The following TOM1L2 variants were observed in gnomAD, a reference collection of about 807,000 sequenced individuals.
TOM1L2 encodes TOM1-like protein 2.
A neutral mutation model predicts 67.9 loss-of-function variants in TOM1L2; 31 were observed. The observed-to-expected ratio is 0.46, with a 90% CI of 0.34 to 0.62. The LOEUF is 0.62. TOM1L2 is among the 20% of genes least tolerant of loss of function. The pLI, the probability that TOM1L2 is intolerant of heterozygous loss-of-function variation, is 0.01. For missense variants in TOM1L2, 606 were observed against 663.5 expected (o/e 0.91, Z 0.95); for synonymous variants, 256 against 254.0 (o/e 1.01, Z -0.07).
intron 1 of TOM1L2, among the ~76,000 whole-genome samples, chr17:17,949,804 G>A (rs1349937550): frequency 3.9e-5 from 6 of 152,096 alleles, no homozygotes; most frequent in Admixed American, 3.9e-4. Context: ...AGTTTAGGTG[G>A]GCCAGGGCAA....
At chr17:17,929,256 C>T (rs1465515060) in intron 1 of TOM1L2, among the ~76,000 whole-genome samples, 1 of 152,136 alleles carries the variant, frequency 6.6e-6, no homozygotes, top group African/African-American at 2.4e-5. Flanking sequence ...CATGCTCCAC[C>T]CAGTCTGAAT....
chr17:17,871,044 C>A (rs569947057), intron 7 of TOM1L2, among the ~76,000 whole-genome samples: 3 of 152,336 alleles, frequency 2.0e-5, no homozygotes, highest in African/African-American at 4.8e-5. Flanking sequence ...TCCCCAAGTA[C>A]TTCTGAGAGA....
At position 17,874,689 on chromosome 17, in the gene TOM1L2, C is replaced by T. The variant is rs2037332505; in HGVS notation, c.777+4938G>A. On this transcript the variant is annotated intron_variant, in intron 7 of 14. Coordinates refer to ENST00000379504, the MANE Select transcript of TOM1L2 (RefSeq NM_001082968.2). ...GCACAGAATGCAGTGATCTCATCAACAGTCAGCACCAGGAACATCTGCTCT... is the reference window on the plus strand; with the variant it reads ...GCACAGAATGCAGTGATCTCATCAATAGTCAGCACCAGGAACATCTGCTCT... Among the ~76,000 whole-genome samples the T allele has an allele frequency of 2.0e-5, 3 of 152,232 alleles. No individual in the cohort carries two copies. The South Asian group carries it at 6.2e-4, about 31-fold the overall frequency.
chr17:17,885,288 T>C (rs117327272), intron 4 of TOM1L2, among the ~76,000 whole-genome samples: 1,974 of 152,302 alleles, frequency 0.013, 24 homozygotes, highest in Non-Finnish European at 0.018. Context: ...TAACTACAGG[T>C]TTCCTCAGAT....
intron 4 of TOM1L2, 134 bp from the exon 5 acceptor site, chr17:17,884,902 T>G: frequency 2.5e-6 from 3 of 1,187,720 alleles, no homozygotes; most frequent in Non-Finnish European, 3.5e-6. Flanking sequence ...TGGCTAAACC[T>G]ATTCTGTTCC....
At chr17:17,927,259 T>C (rs2040131659) in intron 1 of TOM1L2, among the ~76,000 whole-genome samples, 1 of 152,208 alleles carries the variant, frequency 6.6e-6, no homozygotes, top group African/African-American at 2.4e-5. Flanking sequence ...TTCAGCACAC[T>C]GTACCAAGTC....
intron 1 of TOM1L2, among the ~76,000 whole-genome samples, chr17:17,954,965 C>T (rs986667066): frequency 2.0e-5 from 3 of 152,204 alleles, no homozygotes; most frequent in African/African-American, 4.8e-5. Context: ...TCCTGACCTC[C>T]GTTTCTTTTG....
Position 17,847,378 on chromosome 17 carries a change from G to A in TOM1L2, c.*257C>T, listed in dbSNP as rs1288208787. The A allele has an allele frequency of 9.4e-6, 5 of 532,264 alleles. No homozygotes were observed. The highest frequency in any genetic ancestry group is 3.5e-5 in the East Asian group (1 of 28,944). 33.0% of individuals were successfully genotyped at this position (532,264 alleles called of 1,614,324 possible). ...CTGGGCCACTCTGCCCGCTCTTCCT[G>A]GGAGGAAACATGGGCAGAGGGGCCC... On this transcript the variant is annotated 3_prime_UTR_variant, in exon 15 of 15. Transcript: ENST00000379504.
At chr17:17,909,886 G>A (rs1156263391) in intron 1 of TOM1L2, among the ~76,000 whole-genome samples, 1 of 152,054 alleles carries the variant, frequency 6.6e-6, no homozygotes, top group East Asian at 1.9e-4. Flanking sequence ...AAAATTAGCT[G>A]GGCATAGTGG....
chr17:17,899,675 C>T (rs1406616009), intron 2 of TOM1L2, among the ~76,000 whole-genome samples: 2 of 152,218 alleles, frequency 1.3e-5, no homozygotes, highest in African/African-American at 4.8e-5. Context: ...TCACCCTATG[C>T]TCTGGGGAGC....
intron 1 of TOM1L2, among the ~76,000 whole-genome samples, chr17:17,910,590 G>C (rs956291373): frequency 2.0e-5 from 3 of 151,964 alleles, no homozygotes; most frequent in African/African-American, 7.3e-5. Context: ...TTTTATGTGA[G>C]ACAGAGTCTC....
intron 4 of TOM1L2, among the ~76,000 whole-genome samples, chr17:17,887,524 A>G (rs981591050): frequency 6.6e-6 from 1 of 152,198 alleles, no homozygotes; most frequent in Non-Finnish European, 1.5e-5. Flanking sequence ...CCCAGGCTGG[A>G]GTACAATGGT....
chr17:17,888,719 G>C (rs2038117131), intron 4 of TOM1L2, among the ~76,000 whole-genome samples: 1 of 152,206 alleles, frequency 6.6e-6, no homozygotes, highest in Non-Finnish European at 1.5e-5. Context: ...GCATGGGGAG[G>C]GGGGCTGGAG....
intron 5 of TOM1L2, among the ~76,000 whole-genome samples, chr17:17,883,271 A>G (rs562813796): frequency 6.6e-6 from 1 of 152,366 alleles, no homozygotes; most frequent in East Asian, 1.9e-4. Flanking sequence ...TGGTCTTTAC[A>G]AGTAGACTAA....
At chr17:17,930,995 G>A (rs1434873895) in intron 1 of TOM1L2, among the ~76,000 whole-genome samples, 1 of 152,126 alleles carries the variant, frequency 6.6e-6, no homozygotes, top group Non-Finnish European at 1.5e-5. Flanking sequence ...GCATAATATG[G>A]AATGTCTTCA....
chr17:17,950,563 T>C (rs1211737612), intron 1 of TOM1L2, among the ~76,000 whole-genome samples: 1 of 152,102 alleles, frequency 6.6e-6, no homozygotes, highest in Non-Finnish European at 1.5e-5. Context: ...GCTGTTCCAA[T>C]ACTTTGTATG....
chr17:17,938,931 C>T (rs1314313011), intron 1 of TOM1L2, among the ~76,000 whole-genome samples: 1 of 152,134 alleles, frequency 6.6e-6, no homozygotes, highest in Non-Finnish European at 1.5e-5. Context: ...CCCAGAGAAG[C>T]TAAATGACTT....
chr17:17,941,085 G>A (rs1382344429), intron 1 of TOM1L2, among the ~76,000 whole-genome samples: 3 of 152,192 alleles, frequency 2.0e-5, no homozygotes, highest in African/African-American at 7.2e-5. Context: ...AGAGCTACTG[G>A]AGACCATTTC....
At chr17:17,967,162 G>A (rs935275130) in intron 1 of TOM1L2, among the ~76,000 whole-genome samples, 2 of 152,170 alleles carry the variant, frequency 1.3e-5, no homozygotes, top group Admixed American at 6.5e-5. Flanking sequence ...CAGGTTAAAC[G>A]TCTACCATTC....
Sources: allele counts gnomAD v4.1 joint callset (sites outside exome capture counted in the v4.1 genomes callset), GRCh38; gene constraint gnomAD v4.1.1; transcripts MANE v1.5; gene names NCBI Gene and HGNC (gene_info 2026-07-23, HGNC 2026-07-21).